MRPS9: variants seen among roughly 807,000 people sequenced by gnomAD.
The protein encoded by MRPS9 is small ribosomal subunit protein uS9m.
MRPS9 carries 45 observed loss-of-function variants against 59.9 expected under a neutral mutation model. The observed-to-expected ratio is 0.75, with a 90% CI of 0.59 to 0.96. MRPS9 has a LOEUF of 0.96. MRPS9 is among the 40% of genes least tolerant of loss of function. The pLI, the probability that MRPS9 is intolerant of heterozygous loss-of-function variation, is 0.00. For synonymous variants in MRPS9, 171 were observed against 166.8 expected (o/e 1.03, Z -0.19); for missense variants, 473 against 481.1 (o/e 0.98, Z 0.16).
chr2:105,065,012 G>A (rs576584954), intron 2 of MRPS9, among the ~76,000 whole-genome samples: 47 of 152,256 alleles, frequency 3.1e-4, no homozygotes, highest in Non-Finnish European at 5.3e-4. Context: ...TACTATTACA[G>A]CAGCCCCTAT....
intron 5 of MRPS9, among the ~76,000 whole-genome samples, chr2:105,083,556 A>G (rs1680388816): frequency 6.6e-6 from 1 of 152,236 alleles, no homozygotes; most frequent in Admixed American, 6.5e-5. Context: ...AAATCCTTTA[A>G]AACTCATAAT....
At chr2:105,071,641 G>A in intron 4 of MRPS9, 152 bp downstream of exon 4, 1 of 687,712 alleles carries the variant, frequency 1.5e-6, no homozygotes, top group African/African-American at 1.8e-5. Flanking sequence ...CAATGAATGA[G>A]TGAAGTTTGC....
chr2:105,089,865 T>C (rs1680522483), intron 6 of MRPS9, 55 bp from the exon 7 acceptor site: 2 of 1,226,596 alleles, frequency 1.6e-6, no homozygotes, highest in African/African-American at 3.0e-5. Flanking sequence ...TCTTTTGTGA[T>C]ATAACTCTAA....
At chr2:105,067,616 C>T (rs1485329037) in intron 2 of MRPS9, among the ~76,000 whole-genome samples, 2 of 152,054 alleles carry the variant, frequency 1.3e-5, no homozygotes, top group Non-Finnish European at 2.9e-5. Context: ...GTGATCCTTG[C>T]CTGAAATTGA....
intron 10 of MRPS9, chr2:105,099,420 T>C (rs1680743230): frequency 3.1e-6 from 1 of 323,534 alleles, no homozygotes; most frequent in African/African-American, 2.1e-5. Context: ...CCATGATTCT[T>C]ATAATTTAAG....
At chr2:105,078,963 A>G (rs1680269598) in intron 4 of MRPS9, among the ~76,000 whole-genome samples, 3 of 152,162 alleles carry the variant, frequency 2.0e-5, no homozygotes, top group East Asian at 1.9e-4. Flanking sequence ...AACTGTTACA[A>G]TGGTTTGTGG....
At chr2:105,056,679 A>G (rs573731862) in intron 2 of MRPS9, among the ~76,000 whole-genome samples, 109 of 152,326 alleles carry the variant, frequency 7.2e-4, no homozygotes, top group African/African-American at 2.5e-3. Context: ...CCAGTTTTAC[A>G]ACTTTACTTC....
intron 2 of MRPS9, among the ~76,000 whole-genome samples, chr2:105,058,824 T>C (rs909218667): frequency 2.6e-5 from 4 of 151,812 alleles, no homozygotes; most frequent in Admixed American, 6.6e-5. Context: ...GGATTACAGG[T>C]GCCCACCACC....
At chr2:105,087,332 A>G (rs1436950897) in intron 5 of MRPS9, among the ~76,000 whole-genome samples, 1 of 152,082 alleles carries the variant, frequency 6.6e-6, no homozygotes, top group Non-Finnish European at 1.5e-5. Flanking sequence ...GATGAAATTA[A>G]CTTCATTTGT....
At chr2:105,047,288 G>T (rs1285459142) in intron 1 of MRPS9, among the ~76,000 whole-genome samples, 1 of 151,906 alleles carries the variant, frequency 6.6e-6, no homozygotes, top group African/African-American at 2.4e-5. Context: ...ATTTTAAATT[G>T]CCCTTTTCTT....
chr2:105,073,704 G>GT (rs1359917213), intron 4 of MRPS9, among the ~76,000 whole-genome samples: 1 of 152,172 alleles, frequency 6.6e-6, no homozygotes, highest in African/African-American at 2.4e-5. Flanking sequence ...GGAGCAAAGA[G>GT]TAGCACTCAT....
At chr2:105,080,645 C>T (rs893267453) in intron 5 of MRPS9, among the ~76,000 whole-genome samples, 7 of 152,122 alleles carry the variant, frequency 4.6e-5, no homozygotes, top group African/African-American at 1.7e-4. Flanking sequence ...TGGAAGAGTT[C>T]CCCAGAACTG....
intron 9 of MRPS9, 101 bp from the exon 10 acceptor site, chr2:105,097,054 A>T: frequency 1.6e-6 from 2 of 1,225,854 alleles, no homozygotes; most frequent in Non-Finnish European, 2.2e-6. Context: ...TAACAGTGGC[A>T]TGCAGAATAT....
At chr2:105,071,631 C>T in intron 4 of MRPS9, 142 bp downstream of exon 4, 1 of 717,142 alleles carries the variant, frequency 1.4e-6, no homozygotes, top group East Asian at 2.5e-5. Flanking sequence ...AATTTTGTAA[C>T]AATGAATGAG....
intron 1 of MRPS9, among the ~76,000 whole-genome samples, chr2:105,039,249 TG>T (rs1254178089): frequency 6.6e-6 from 1 of 151,834 alleles, no homozygotes; most frequent in African/African-American, 2.4e-5. Context: ...AACATCTTTT[TG>T]TATGTTCTTT....
chr2:105,083,636 C>G (rs1317317436), intron 5 of MRPS9, among the ~76,000 whole-genome samples: 1 of 152,118 alleles, frequency 6.6e-6, no homozygotes, highest in Non-Finnish European at 1.5e-5. Context: ...CAAGGCATGT[C>G]TGTAACACAG....
At chr2:105,070,028 T>C (rs981522959) in intron 2 of MRPS9, among the ~76,000 whole-genome samples, 1 of 152,074 alleles carries the variant, frequency 6.6e-6, no homozygotes, top group African/African-American at 2.4e-5. Context: ...AGAAAAAGTC[T>C]ACCTTTTTTC....
chr2:105,078,690 C>T (rs1680264266), intron 4 of MRPS9, among the ~76,000 whole-genome samples: 4 of 152,002 alleles, frequency 2.6e-5, no homozygotes, highest in Admixed American at 2.6e-4. Flanking sequence ...AGAAAGACAT[C>T]CTACATATAA....
At chr2:105,068,676 A>G (rs1680047233) in intron 2 of MRPS9, among the ~76,000 whole-genome samples, 1 of 152,204 alleles carries the variant, frequency 6.6e-6, no homozygotes, top group African/African-American at 2.4e-5. Context: ...GTTTGCAAAA[A>G]GAAGCTTATG....
Sources: gnomAD v4.1 joint callset for allele counts (sites outside exome capture counted in the v4.1 genomes callset) on GRCh38, gnomAD v4.1.1 for gene constraint, MANE v1.5 for transcripts, NCBI Gene and HGNC (gene_info 2026-07-23, HGNC 2026-07-21) for gene names.